The following EIF2A variants were observed in gnomAD, a reference collection of about 807,000 sequenced individuals.
EIF2A encodes eukaryotic translation initiation factor 2A.
In EIF2A, 62 loss-of-function variants were observed where a neutral mutation model predicts 75.2. The ratio of observed to expected loss-of-function variants is 0.82; its 90% CI spans 0.67 to 1.02. The LOEUF (loss-of-function observed/expected upper bound fraction) is 1.02. Among genes scored for constraint, EIF2A ranks in the 50% least tolerant of loss-of-function variants. The pLI is 0.00. For synonymous variants in EIF2A, 207 were observed against 239.0 expected (o/e 0.87, Z 1.23); for missense variants, 611 against 677.7 (o/e 0.90, Z 1.09).
chr3:150,568,099 C>T, intron 8 of EIF2A, 53 bp downstream of exon 8: 1 of 1,597,492 alleles, frequency 6.3e-7, no homozygotes, highest in Admixed American at 1.8e-5. Context: ...TTAATTTAGG[C>T]TATATTCCTA....
At position 150,563,565 on chromosome 3, in the gene EIF2A, A is replaced by G. The variant is rs772806762; in HGVS notation, c.343A>G (p.Lys115Glu). ...GIPNLQLYDV[K>E]TGTCLKSFIQ... is the part of the protein sequence containing the mutation. ...ACCCAACCTACAACTTTATGATGTG[A>G]AAACTGGGACATGTTTGAAATCTTT... The change falls in exon 5 of 14, where the codon AAA becomes GAA. Residue 115 changes from lysine (K) to glutamate (E), a missense_variant. Physicochemically the swap from Lys to Glu is moderately conservative, Grantham distance 56. Transcript: ENST00000460851. 30 of 1,543,712 alleles carry G rather than the reference A, an allele frequency of 1.9e-5. No homozygotes were observed. Among genetic ancestry groups the G allele is most frequent in the African/African-American group, 4.1e-5 (3 of 72,672 alleles).
intron 11 of EIF2A, among the ~76,000 whole-genome samples, chr3:150,580,842 G>A (rs1160091092): frequency 6.6e-6 from 1 of 152,162 alleles, no homozygotes; most frequent in Non-Finnish European, 1.5e-5. Flanking sequence ...GGTGGGGAGC[G>A]AATACACTGT....
At chr3:150,554,221 C>A (rs1048631853) in intron 2 of EIF2A, among the ~76,000 whole-genome samples, 1 of 151,052 alleles carries the variant, frequency 6.6e-6, no homozygotes, top group Non-Finnish European at 1.5e-5. Context: ...CCCGAAAAAT[C>A]CCCCCTCCGT....
intron 1 of EIF2A, among the ~76,000 whole-genome samples, chr3:150,551,123 A>G (rs1419053857): frequency 6.6e-6 from 1 of 152,192 alleles, no homozygotes; most frequent in Non-Finnish European, 1.5e-5. Flanking sequence ...TATACAAAAC[A>G]CTTAAGGATG....
At position 150,567,921 on chromosome 3, in the gene EIF2A, G is replaced by T. The variant is rs182090610; in HGVS notation, c.569G>T (p.Gly190Val). The T allele has an allele frequency of 6.2e-7, 1 of 1,608,748 alleles. No homozygotes were observed. Among genetic ancestry groups the T allele is most frequent in the Non-Finnish European group, 8.5e-7 (1 of 1,178,482 alleles). Reference protein sequence around the residue: ...QPYKVAVYVPGSKGAPSFVRL... With the variant: ...QPYKVAVYVPVSKGAPSFVRL... ...TCTTAGGTGGCTGTCTATGTTCCAG[G>T]AAGTAAAGGTGCACCTTCATTTGTT... The change falls in exon 8 of 14, where the codon GGA (glycine) becomes GTA (valine). Residue 190 changes from glycine to valine, a missense_variant. Transcript: ENST00000460851.
At chr3:150,574,618 TCA>T in intron 10 of EIF2A, among the ~76,000 whole-genome samples, 1 of 152,232 alleles carries the variant, frequency 6.6e-6, no homozygotes, top group South Asian at 2.1e-4. Flanking sequence ...CTCATAATAT[TCA>T]GTTTGTTTCA....
chr3:150,553,978 T>C (rs767305836), intron 2 of EIF2A, among the ~76,000 whole-genome samples: 1 of 152,176 alleles, frequency 6.6e-6, no homozygotes, highest in Non-Finnish European at 1.5e-5. Context: ...CTAAATACAA[T>C]TCTTCACTAA....
chr3:150,570,575 A>AG (rs1724449633), intron 9 of EIF2A, among the ~76,000 whole-genome samples: 1 of 151,934 alleles, frequency 6.6e-6, no homozygotes, highest in African/African-American at 2.4e-5. Flanking sequence ...TTAAAAAAAA[A>AG]AAGAAGAAGA....
At chr3:150,576,008 A>T (rs768955815) in intron 11 of EIF2A, among the ~76,000 whole-genome samples, 1 of 152,162 alleles carries the variant, frequency 6.6e-6, no homozygotes, top group Non-Finnish European at 1.5e-5. Flanking sequence ...TGAACCTGGG[A>T]GGTGGAGGTT....
At chr3:150,576,821 C>A (rs545950360) in intron 11 of EIF2A, among the ~76,000 whole-genome samples, 1 of 152,278 alleles carries the variant, frequency 6.6e-6, no homozygotes, top group African/African-American at 2.4e-5. Context: ...TGGGATATTT[C>A]CAAAATAGTT....
chr3:150,572,602 C>T (rs1209951171), intron 10 of EIF2A, 73 bp downstream of exon 10: 1 of 1,423,560 alleles, frequency 7.0e-7, no homozygotes, highest in Non-Finnish European at 9.5e-7. Flanking sequence ...CATCCGTAAT[C>T]CCAGCACTTC....
At position 150,562,719 on chromosome 3, in the gene EIF2A, G is replaced by A. The variant is rs1723957268; in HGVS notation, c.292+59G>A. The A allele has an allele frequency of 3.2e-6, 4 of 1,262,348 alleles. No individual in the cohort carries two copies. The Admixed American group carries it at 8.1e-5, about 26-fold the overall frequency. 78.2% of individuals were successfully genotyped at this position (1,262,348 alleles called of 1,614,324 possible). A position where few individuals can be genotyped will look rare whatever the true frequency, so the allele number is the denominator to read the frequency against. Reference sequence around the variant, plus strand: ...ACGATCAATTACGTTTAGTGGGGGGGAAAAAGTTATAAAGTTTATAACCTC... The same window carrying A: ...ACGATCAATTACGTTTAGTGGGGGGAAAAAAGTTATAAAGTTTATAACCTC... On this transcript the variant is annotated intron_variant, in intron 4 of 13. Coordinates refer to ENST00000460851, the MANE Select transcript of EIF2A (RefSeq NM_032025.5).
intron 4 of EIF2A, 26 bp downstream of exon 4, chr3:150,562,686 ACT>A: frequency 6.5e-7 from 1 of 1,548,668 alleles, no homozygotes; most frequent in Non-Finnish European, 8.9e-7. Context: ...GTGTAAAAAT[ACT>A]CTGACACGAT....
intron 4 of EIF2A, among the ~76,000 whole-genome samples, chr3:150,563,138 T>C (rs1723981624): frequency 1.3e-5 from 2 of 152,186 alleles, no homozygotes; most frequent in Non-Finnish European, 2.9e-5. Flanking sequence ...CATATAACTG[T>C]GTTTCATGTA....
intron 1 of EIF2A, among the ~76,000 whole-genome samples, chr3:150,549,052 A>C (rs1723189209): frequency 1.3e-5 from 2 of 152,162 alleles, no homozygotes; most frequent in Admixed American, 1.3e-4. Context: ...AATAATTTGC[A>C]GATTAGCCAG....
In EIF2A at chr3:150,583,277, A is replaced by AT; in HGVS notation, c.1692+17dup. 6.2e-7 allele frequency: 1 copy of AT among 1,612,122 alleles called. No individual in the cohort carries two copies. The highest frequency in any genetic ancestry group is 8.5e-7 in the Non-Finnish European group (1 of 1,179,238). On this transcript the variant is annotated intron_variant, in intron 13 of 13. Transcript: ENST00000460851. ...TAGAAAAAAATCAGGTACTTTCTGC[A>AT]TTTTTCATTTAGGCTTGTGGTGACC...
intron 2 of EIF2A, among the ~76,000 whole-genome samples, chr3:150,556,234 A>G (rs1262708262): frequency 2.0e-5 from 3 of 152,248 alleles, no homozygotes; most frequent in African/African-American, 7.2e-5. Context: ...TCTCAGTATC[A>G]CTAAGAGTAG....
intron 10 of EIF2A, 103 bp downstream of exon 10, chr3:150,572,632 A>G: frequency 1.7e-6 from 2 of 1,144,518 alleles, no homozygotes; most frequent in Non-Finnish European, 2.5e-6. Flanking sequence ...AGGCGGGAGG[A>G]TCACTTGAGG....
intron 11 of EIF2A, among the ~76,000 whole-genome samples, chr3:150,580,753 A>G (rs574184875): frequency 6.6e-6 from 1 of 152,310 alleles, no homozygotes; most frequent in African/African-American, 2.4e-5. Flanking sequence ...ATTAAGTAAA[A>G]TAAGGGTTAC....
Sources: gnomAD v4.1 joint callset for allele counts (sites outside exome capture counted in the v4.1 genomes callset) on GRCh38, gnomAD v4.1.1 for gene constraint, MANE v1.5 for transcripts, NCBI Gene and HGNC (gene_info 2026-07-23, HGNC 2026-07-21) for gene names.